The following NUP133 variants were observed in gnomAD, a reference collection of about 807,000 sequenced individuals.
NUP133 encodes the protein nuclear pore complex protein Nup133.
Under a neutral mutation model 146.2 loss-of-function variants are expected in NUP133, and 66 were observed. The observed-to-expected ratio is 0.45, with a 90% CI of 0.37 to 0.55. The LOEUF (loss-of-function observed/expected upper bound fraction) is 0.55, where lower values mean the gene tolerates loss of function less well. Among genes scored for constraint, NUP133 ranks in the 20% least tolerant of loss-of-function variants. NUP133 has a pLI of 0.00. For missense variants in NUP133, 1,277 were observed against 1,374.8 expected (o/e 0.93, Z 1.12); for synonymous variants, 521 against 498.8 (o/e 1.04, Z -0.59).
intron 14 of NUP133, among the ~76,000 whole-genome samples, chr1:229,473,751 G>A (rs971706561): frequency 2.0e-5 from 3 of 152,122 alleles, no homozygotes; most frequent in South Asian, 2.1e-4. Flanking sequence ...GGCAAAACCC[G>A]TTCTCCACAA....
At position 229,477,583 on chromosome 1, in the gene NUP133, T is replaced by C. The variant is rs116262126; in HGVS notation, c.1756+14A>G. The C allele has an allele frequency of 0.012, 19,002 of 1,586,554 alleles. 151 individuals carry two copies. Among genetic ancestry groups the C allele is most frequent in the Non-Finnish European group, 0.014 (16,127 of 1,163,770 alleles). On this transcript the variant is annotated intron_variant, in intron 13 of 25. Coordinates refer to ENST00000261396, the MANE Select transcript of NUP133 (RefSeq NM_018230.3). Reference sequence around the variant, plus strand: ...TGTTCAAAACACACCGTTCCATAATTGAAACATTCTTACCCTCAGGGACAG... The same window carrying C: ...TGTTCAAAACACACCGTTCCATAATCGAAACATTCTTACCCTCAGGGACAG...
intron 6 of NUP133, among the ~76,000 whole-genome samples, chr1:229,496,579 G>A (rs1243036410): frequency 6.6e-6 from 1 of 152,208 alleles, no homozygotes. Flanking sequence ...CCCAAGAGGA[G>A]AAGAGCTGAA....
In NUP133 at chr1:229,504,896, A is replaced by C. The variant is rs144709178; in HGVS notation, c.301+1144T>G. On this transcript the variant is annotated intron_variant, in intron 2 of 25. Transcript: ENST00000261396. ...TGTCCTGCCTAAAGGTTGTGAATCA[A>C]CCCTTTGTGCAGCATATCCATACTG... is the stretch of plus-strand genomic sequence containing the variant. 5.2e-3 allele frequency among the ~76,000 whole-genome samples: 798 copies of C among 152,140 alleles called. 9 individuals carry two copies. The highest frequency in any genetic ancestry group is 0.019 in the African/African-American group (769 of 41,486).
At chr1:229,480,956 A>C (rs1003735769) in intron 12 of NUP133, among the ~76,000 whole-genome samples, 2 of 151,848 alleles carry the variant, frequency 1.3e-5, no homozygotes, top group African/African-American at 4.8e-5. Context: ...TGGCCTCCAA[A>C]GTACTGGGAT....
Position 229,500,852 on chromosome 1 carries a change from G to A in NUP133, c.417C>T (p.Cys139=), listed in dbSNP as rs771924594. The change falls in exon 4 of 26, where the codon TGC becomes TGT. Residue 139 remains cysteine, a synonymous_variant. Coordinates refer to ENST00000261396, the MANE Select transcript of NUP133 (RefSeq NM_018230.3). ...CACTAGGTGGCAGCTGAAGTTCTTT[G>A]CAAACGGATAACTGTAGAACAAACC... ...ALSPITKLSV[C]KELQLPPSDF... The A allele has an allele frequency of 1.4e-5, 22 of 1,611,048 alleles. No homozygotes were observed. The highest frequency in any genetic ancestry group is 1.8e-5 in the Non-Finnish European group (21 of 1,177,958).
chr1:229,502,917 T>C (rs1661841317), intron 2 of NUP133, among the ~76,000 whole-genome samples: 1 of 151,572 alleles, frequency 6.6e-6, no homozygotes, highest in Admixed American at 6.6e-5. Context: ...CATGATCACA[T>C]CACTCCCACC....
intron 19 of NUP133, among the ~76,000 whole-genome samples, chr1:229,461,816 C>T (rs1660697800): frequency 6.7e-6 from 1 of 150,286 alleles, no homozygotes; most frequent in Non-Finnish European, 1.5e-5. Context: ...ATTTTAAAAT[C>T]ATGATCAGTG....
intron 4 of NUP133, 44 bp from the exon 5 acceptor site, chr1:229,499,862 A>T (rs1661752690): frequency 6.3e-7 from 1 of 1,577,966 alleles, no homozygotes; most frequent in Admixed American, 1.8e-5. Context: ...ATAAAAGAGG[A>T]ACCCAAAAAC....
intron 1 of NUP133, among the ~76,000 whole-genome samples, chr1:229,507,738 C>T (rs112448737): frequency 6.6e-6 from 1 of 152,284 alleles, no homozygotes; most frequent in African/African-American, 2.4e-5. Flanking sequence ...ATATTATCGC[C>T]ATTTCACAGA....
chr1:229,473,388 G>A (rs1306294542), intron 14 of NUP133, among the ~76,000 whole-genome samples: 1 of 152,184 alleles, frequency 6.6e-6, no homozygotes, highest in Admixed American at 6.5e-5. Context: ...TGGCTGGAAT[G>A]GGGTTTTCAG....
chr1:229,482,506 G>T (rs993446580), intron 12 of NUP133, among the ~76,000 whole-genome samples: 5 of 152,202 alleles, frequency 3.3e-5, no homozygotes, highest in African/African-American at 1.2e-4. Flanking sequence ...GGCAGAGCAG[G>T]GGGGCTGGAT....
chr1:229,455,022 C>A (rs1017802331), intron 21 of NUP133, among the ~76,000 whole-genome samples: 5 of 152,182 alleles, frequency 3.3e-5, no homozygotes, highest in African/African-American at 1.2e-4. Flanking sequence ...GATGAACAAA[C>A]TGAGGCGAAG....
intron 10 of NUP133, among the ~76,000 whole-genome samples, chr1:229,486,954 T>A (rs1661367339): frequency 2.1e-5 from 3 of 139,910 alleles, no homozygotes; most frequent in Admixed American, 1.4e-4. Context: ...CTTAGTAACA[T>A]CCTACCCACC....
rs540660838 is a variant in NUP133, at chr1:229,442,620, A to C, written c.3335-580T>G. 3.9e-5 allele frequency among the ~76,000 whole-genome samples: 6 copies of C among 152,142 alleles called. No individual in the cohort carries two copies. The South Asian group carries it at 1.2e-3, about 32-fold the overall frequency. ...AAATTTTCAAATTAATAAGCCAATA[A>C]TATTTTTATAATTTGTTACATTACC... On this transcript the variant is annotated intron_variant, in intron 25 of 25. Transcript: ENST00000261396.
chr1:229,457,338 A>G (rs781444486), intron 21 of NUP133, among the ~76,000 whole-genome samples: 3 of 152,072 alleles, frequency 2.0e-5, no homozygotes, highest in African/African-American at 4.8e-5. Flanking sequence ...CTGTCTTTCT[A>G]TATTTGTACT....
chr1:229,451,382 G>A lies in NUP133; in HGVS notation c.3100-777C>T, dbSNP rs1435754537. On this transcript the variant is annotated intron_variant, in intron 22 of 25. Transcript: ENST00000261396. ...CCACTGCACTCCAGCCTGACAGCCC[G>A]AGCAATACCAAGATCTTGTCTCTAA... Among the ~76,000 whole-genome samples, 8 of 150,582 alleles carry A rather than the reference G, an allele frequency of 5.3e-5. No individual in the cohort carries two copies. The South Asian group carries it at 6.3e-4, about 12-fold the overall frequency.
At chr1:229,499,921 G>C in intron 4 of NUP133, 103 bp from the exon 5 acceptor site, 1 of 1,360,498 alleles carries the variant, frequency 7.4e-7, no homozygotes, top group African/African-American at 1.5e-5. Flanking sequence ...TTTACTATTT[G>C]ATCAAGAAAA....
At position 229,472,707 on chromosome 1, in the gene NUP133, C is replaced by CATACATACATATATATATATATATATAT. The variant is rs58951309; in HGVS notation, c.1852-1904_1852-1903insATATATATATATATATATATGTATGTAT. Among the ~76,000 whole-genome samples, 21 of 124,306 alleles carry CATACATACATATATATATATATATATAT rather than the reference C, an allele frequency of 1.7e-4. 1 individual carries two copies. Among genetic ancestry groups the CATACATACATATATATATATATATATAT allele is most frequent in the African/African-American group, 5.6e-4 (18 of 31,980 alleles). The allele number at this position is 124,306 out of a possible 152,430, so 81.5% of individuals were successfully genotyped here. On this transcript the variant is annotated intron_variant, in intron 14 of 25. Transcript: ENST00000261396. ...CAAAAAAATTAAAAAACTAAATATA[C>CATACATACATATATATATATATATATAT]ATATATATATATATATATATGTACA...
intron 8 of NUP133, among the ~76,000 whole-genome samples, chr1:229,491,895 C>A (rs762334087): frequency 1.6e-4 from 24 of 152,276 alleles, no homozygotes; most frequent in African/African-American, 9.6e-5. Flanking sequence ...AACAGGGCAA[C>A]CCTGTCTCTA....
Sources: gnomAD v4.1 joint callset for allele counts (sites outside exome capture counted in the v4.1 genomes callset) on GRCh38, gnomAD v4.1.1 for gene constraint, MANE v1.5 for transcripts, NCBI Gene and HGNC (gene_info 2026-07-23, HGNC 2026-07-21) for gene names.